The following CCDC171 variants were observed in gnomAD, a reference collection of about 807,000 sequenced individuals.
CCDC171 encodes the protein coiled-coil domain-containing protein 171.
In CCDC171, 177 loss-of-function variants were observed where a neutral mutation model predicts 168.2. That is an observed-to-expected ratio of 1.05 (90% CI 0.93 to 1.19). The LOEUF is 1.19. Among genes scored for constraint, CCDC171 ranks in the 50% most tolerant of loss-of-function variants. The probability of loss-of-function intolerance (pLI) is 0.00; values close to 1 mark genes in which losing one functional copy is unlikely to be tolerated. For missense variants in CCDC171, 1,991 were observed against 1,539.0 expected, an observed-to-expected ratio of 1.29 and a Z score of -4.91; for synonymous variants, 687 against 540.8, an observed-to-expected ratio of 1.27 and a Z score of -3.75.
At chr9:15,944,955 T>C (rs1462274490) in intron 25 of CCDC171, among the ~76,000 whole-genome samples, 2 of 151,764 alleles carry the variant, frequency 1.3e-5, no homozygotes, top group Non-Finnish European at 2.9e-5. Context: ...TATGTATACA[T>C]GTGCCATGCT....
At chr9:15,660,294 C>T (rs560270367) in intron 8 of CCDC171, among the ~76,000 whole-genome samples, 1 of 152,098 alleles carries the variant, frequency 6.6e-6, no homozygotes, top group Non-Finnish European at 1.5e-5. Flanking sequence ...TTTTCTTTTT[C>T]TTTTCTTTTC....
At chr9:15,835,924 C>G (rs1047630873) in intron 21 of CCDC171, among the ~76,000 whole-genome samples, 4 of 151,732 alleles carry the variant, frequency 2.6e-5, no homozygotes, top group African/African-American at 9.7e-5. Context: ...CAGTATGGTA[C>G]CCCTCTTTAT....
At chr9:16,005,221 A>G (rs1448848714) in intron 3 of CCDC171, among the ~76,000 whole-genome samples, 1 of 152,240 alleles carries the variant, frequency 6.6e-6, no homozygotes, top group Non-Finnish European at 1.5e-5. Flanking sequence ...AGATTTAACT[A>G]TTCTAGACAT....
At chr9:15,631,346 A>G (rs1390191115) in intron 7 of CCDC171, among the ~76,000 whole-genome samples, 2 of 152,196 alleles carry the variant, frequency 1.3e-5, no homozygotes, top group African/African-American at 4.8e-5. Context: ...GGATATCACC[A>G]CCGATCCCAC....
At chr9:16,009,186 G>A (rs1589321261) in intron 3 of CCDC171, among the ~76,000 whole-genome samples, 1 of 152,096 alleles carries the variant, frequency 6.6e-6, no homozygotes. Context: ...TTACTTTGTA[G>A]AACTAAGAAG....
chr9:15,711,800 A>G lies in CCDC171; in HGVS notation c.1319-9969A>G, dbSNP rs549573611. ...TCTTAAGTTGAATCATTGTAAGTTG[A>G]GGCTGTCTGTACTCTGTACTTAGTC... On this transcript the variant is annotated intron_variant, in intron 11 of 25. Transcript: ENST00000380701. 5.9e-5 allele frequency among the ~76,000 whole-genome samples: 9 copies of G among 152,312 alleles called. No individual in the cohort carries two copies. The South Asian group carries it at 1.9e-3, about 32-fold the overall frequency.
At chr9:16,007,193 C>A (rs1832728988) in intron 3 of CCDC171, among the ~76,000 whole-genome samples, 2 of 152,208 alleles carry the variant, frequency 1.3e-5, no homozygotes, top group African/African-American at 2.4e-5. Flanking sequence ...TGATGGTGAG[C>A]ATTTTTTCAT....
At chr9:15,661,989 G>A (rs1380160025) in intron 8 of CCDC171, among the ~76,000 whole-genome samples, 2 of 152,146 alleles carry the variant, frequency 1.3e-5, no homozygotes, top group African/African-American at 4.8e-5. Context: ...AAGAATAAAC[G>A]TTTCATGCCA....
chr9:16,019,925 G>A lies in CCDC171; in HGVS notation n.369-664G>A, dbSNP rs573104441. Among the ~76,000 whole-genome samples the A allele has an allele frequency of 4.6e-5, 7 of 152,114 alleles. No individual in the cohort carries two copies. The East Asian group carries it at 7.7e-4, about 17-fold the overall frequency. On this transcript the variant is annotated intron_variant and non_coding_transcript_variant, in intron 3 of 9. Transcript: ENST00000486641. ...CACTGAAAATTCTCTTTTAAAATGCGAATCAATATTCAGAGGCTTGTCAAG... is the reference window on the plus strand; with the variant it reads ...CACTGAAAATTCTCTTTTAAAATGCAAATCAATATTCAGAGGCTTGTCAAG...
rs908160157 is a variant in CCDC171, at chr9:15,943,233, C to T, written c.3753+22811C>T. Reference sequence around the variant, plus strand: ...CATGGTGGCAGTGTGGTATTTTCATCAGTTTAAGGATGAGAAGAGCAGAGA... The same window carrying T: ...CATGGTGGCAGTGTGGTATTTTCATTAGTTTAAGGATGAGAAGAGCAGAGA... On this transcript the variant is annotated intron_variant, in intron 25 of 25. Coordinates refer to ENST00000380701, the MANE Select transcript of CCDC171 (RefSeq NM_173550.4). 3.3e-5 allele frequency among the ~76,000 whole-genome samples: 5 copies of T among 152,036 alleles called. No individual in the cohort carries two copies. In the Middle Eastern group the frequency reaches 0.01, roughly 310 times the overall value.
chr9:15,795,551 A>G (rs1425620970), intron 21 of CCDC171, among the ~76,000 whole-genome samples: 1 of 152,176 alleles, frequency 6.6e-6, no homozygotes, highest in Non-Finnish European at 1.5e-5. Context: ...CTCAACACCA[A>G]ATGATGAGAA....
At chr9:16,039,429 C>G (rs1347185694), upstream of CCDC171, among the ~76,000 whole-genome samples, 1 of 152,186 alleles carries the variant, frequency 6.6e-6, no homozygotes, top group Non-Finnish European at 1.5e-5. Context: ...ACAGCTGAGG[C>G]TGCAGAAAGT....
At chr9:15,941,412 A>G (rs565341724) in intron 25 of CCDC171, among the ~76,000 whole-genome samples, 20 of 152,014 alleles carry the variant, frequency 1.3e-4, no homozygotes, top group Admixed American at 4.6e-4. Flanking sequence ...TGTTATTCAC[A>G]TTTAATTTGC....
Position 15,997,866 on chromosome 9 carries a change from C to G in CCDC171, n.369-22723C>G, listed in dbSNP as rs144445175. Among the ~76,000 whole-genome samples the G allele has an allele frequency of 8.9e-3, 1,353 of 152,260 alleles. 5 individuals are homozygous for G. The highest frequency in any genetic ancestry group is 0.015 in the Non-Finnish European group (1,010 of 68,008). ...ACCCAGGTTTAACACGTATCCTTCC[C>G]TTGCATATTTACCCCACAGTGGAAC... On this transcript the variant is annotated intron_variant and non_coding_transcript_variant, in intron 3 of 9. Coordinates refer to the CCDC171 transcript ENST00000486641.
chr9:16,087,557 C>CTT, the CCDC171 span, among the ~76,000 whole-genome samples: 1,621 of 78,666 alleles, frequency 0.021, 60 homozygotes, highest in African/African-American at 0.048. Flanking sequence ...GCAACTCCTG[C>CTT]TTTTTTTTTT....
At chr9:15,669,952 TAAAAAAAAAAAAAA>T (rs34465887) in intron 9 of CCDC171, among the ~76,000 whole-genome samples, 1 of 112,328 alleles carries the variant, frequency 8.9e-6, no homozygotes, top group African/African-American at 3.3e-5. Flanking sequence ...GCTGAAGTCT[TAAAAAAAAAAAAAA>T]AAAAAAAAGA....
At chr9:15,977,563 A>G (rs924416413), downstream of CCDC171, among the ~76,000 whole-genome samples, 1 of 152,226 alleles carries the variant, frequency 6.6e-6, no homozygotes, top group Non-Finnish European at 1.5e-5. Flanking sequence ...AGCTTTGAAA[A>G]CTACTGGGTT....
At chr9:15,740,790 C>T (rs2054824233) in intron 16 of CCDC171, among the ~76,000 whole-genome samples, 1 of 152,110 alleles carries the variant, frequency 6.6e-6, no homozygotes, top group Admixed American at 6.6e-5. Context: ...CTGTTCCCCT[C>T]TCATTCCTCT....
At chr9:15,828,817 T>TA (rs1305302202) in intron 21 of CCDC171, among the ~76,000 whole-genome samples, 1 of 152,246 alleles carries the variant, frequency 6.6e-6, no homozygotes, top group Non-Finnish European at 1.5e-5. Flanking sequence ...CTCTGTAATA[T>TA]TTTTCTCTTT....
Sources: gnomAD v4.1 joint callset for allele counts (sites outside exome capture counted in the v4.1 genomes callset) on GRCh38, gnomAD v4.1.1 for gene constraint, MANE v1.5 for transcripts, NCBI Gene and HGNC (gene_info 2026-07-23, HGNC 2026-07-21) for gene names.